TCERG1: variants seen among roughly 807,000 people sequenced by gnomAD.
TCERG1 encodes TATA box binding protein (TBP)-associated factor, RNA polymerase II, S, 150kD.
A neutral mutation model predicts 144.7 loss-of-function variants in TCERG1; 37 were observed. That is an observed-to-expected ratio of 0.26 (90% CI 0.20 to 0.34). The LOEUF (loss-of-function observed/expected upper bound fraction) is 0.34, where lower values mean the gene tolerates loss of function less well. TCERG1 is among the 10% of genes least tolerant of loss of function. TCERG1 has a pLI of 1.00. For synonymous variants in TCERG1, 492 were observed against 458.2 expected (o/e 1.07, Z -0.94); for missense variants, 1,027 against 1,380.7 (o/e 0.74, Z 4.06).
At chr5:146,488,976 CAT>C (rs1249402263) in intron 15 of TCERG1, among the ~76,000 whole-genome samples, 1 of 152,116 alleles carries the variant, frequency 6.6e-6, no homozygotes, top group African/African-American at 2.4e-5. Context: ...TGTTTTCACA[CAT>C]GTGGAAGCAA....
intron 5 of TCERG1, 118 bp downstream of exon 5, chr5:146,463,911 T>C: frequency 7.1e-7 from 1 of 1,409,058 alleles, no homozygotes; most frequent in Non-Finnish European, 9.7e-7. Flanking sequence ...TGAAACGTTT[T>C]TGAAAGATTC....
chr5:146,472,181 C>T lies in TCERG1; in HGVS notation c.1601+605C>T, dbSNP rs183502004. Among the ~76,000 whole-genome samples, 3 of 152,288 alleles carry T rather than the reference C, an allele frequency of 2.0e-5. No individual in the cohort carries two copies. The East Asian group carries it at 5.8e-4, about 29-fold the overall frequency. On this transcript the variant is annotated intron_variant, in intron 9 of 22. Coordinates refer to ENST00000679501, the MANE Select transcript of TCERG1 (RefSeq NM_001382548.1). ...AAATTTGTTTTTGCATGTTTACTCA[C>T]TATGCGATTACATTTATAGAATTGT...
Position 146,510,869 on chromosome 5 carries a change from C to G in TCERG1, c.*227C>G. Reference sequence around the variant, plus strand: ...CAAATATAGGCTGTCTCTAGTAAATCTTAAAATCTTGAAGCTAAAATTCAT... The same window carrying G: ...CAAATATAGGCTGTCTCTAGTAAATGTTAAAATCTTGAAGCTAAAATTCAT... On this transcript the variant is annotated 3_prime_UTR_variant, in exon 23 of 23. Transcript: ENST00000679501. 1 of 363,978 alleles carries G rather than the reference C, an allele frequency of 2.7e-6. No homozygotes were observed. The allele number at this position is 363,978 out of a possible 1,614,324, so 22.5% of individuals were successfully genotyped here. A position where few individuals can be genotyped will look rare whatever the true frequency, so the allele number is the denominator to read the frequency against.
chr5:146,468,494 A>G (rs2150369525), intron 6 of TCERG1, 91 bp downstream of exon 6: 1 of 1,168,898 alleles, frequency 8.6e-7, no homozygotes, highest in South Asian at 1.5e-5. Context: ...TTTTTGCCCA[A>G]GTGAGTGGAT....
chr5:146,505,653 T>G (rs907491521), intron 19 of TCERG1: 3 of 152,274 alleles, frequency 2.0e-5, no homozygotes, highest in Non-Finnish European at 2.9e-5. Context: ...GTGAGGCTAC[T>G]CCTGACCTAT....
chr5:146,451,898 A>G (rs548030019), intron 1 of TCERG1, among the ~76,000 whole-genome samples: 3 of 150,548 alleles, frequency 2.0e-5, no homozygotes, highest in Non-Finnish European at 4.4e-5. Context: ...AGTGATTGTC[A>G]TGCCTCAACC....
chr5:146,458,130 C>T (rs551998377), intron 3 of TCERG1, among the ~76,000 whole-genome samples: 3 of 151,820 alleles, frequency 2.0e-5, no homozygotes, highest in Non-Finnish European at 2.9e-5. Flanking sequence ...GGATTACAGG[C>T]GTGAGCCACT....
chr5:146,488,226 G>A (rs925860963), intron 15 of TCERG1, among the ~76,000 whole-genome samples: 9 of 152,034 alleles, frequency 5.9e-5, no homozygotes, highest in Admixed American at 6.6e-5. Flanking sequence ...AAAAGCACAA[G>A]CAAGAATAAA....
chr5:146,456,738 C>G (rs1483750148), intron 2 of TCERG1, among the ~76,000 whole-genome samples: 1 of 152,160 alleles, frequency 6.6e-6, no homozygotes, highest in African/African-American at 2.4e-5. Context: ...AATCCCTGCT[C>G]AAAATGTTTT....
intron 5 of TCERG1, among the ~76,000 whole-genome samples, chr5:146,465,351 T>C (rs13166300): frequency 0.48 from 73,136 of 152,070 alleles, 21,810 homozygotes; most frequent in Non-Finnish European, 0.65. Flanking sequence ...AGGCTGTCAT[T>C]TGAACAACTT....
At chr5:146,454,777 T>C (rs1762682934) in intron 1 of TCERG1, among the ~76,000 whole-genome samples, 1 of 152,124 alleles carries the variant, frequency 6.6e-6, no homozygotes, top group Admixed American at 6.5e-5. Flanking sequence ...TTTGTATTTT[T>C]AGTAGAGATG....
At position 146,500,551 on chromosome 5, in the gene TCERG1, G is replaced by C. The variant is rs1056243758; in HGVS notation, c.2433+1865G>C. On this transcript the variant is annotated intron_variant, in intron 17 of 22. Transcript: ENST00000679501. ...GTTGAATCAATAGCTGAACACTAAA[G>C]GTTTAAAACTAATTTTAAAACTAAT... Among the ~76,000 whole-genome samples the C allele has an allele frequency of 1.4e-4, 22 of 152,242 alleles. No individual in the cohort carries two copies. In the East Asian group the frequency reaches 3.7e-3, roughly 25 times the overall value.
chr5:146,468,822 A>G (rs1421135907), intron 6 of TCERG1, among the ~76,000 whole-genome samples: 1 of 152,152 alleles, frequency 6.6e-6, no homozygotes, highest in Non-Finnish European at 1.5e-5. Flanking sequence ...TTTACATTTT[A>G]AAGTTATTGA....
rs1322455012 is a variant in TCERG1 at position 146,507,849 on chromosome 5, T to C, written c.2962-24T>C. 2 of 1,561,004 alleles carry C rather than the reference T, an allele frequency of 1.3e-6. No homozygotes were observed. Among genetic ancestry groups the C allele is most frequent in the African/African-American group, 2.7e-5 (2 of 73,542 alleles). ...TAAGTAAAAGTGAGTTGTATTTATG[T>C]TTTTTATTCATGTCTTTTCAAAGAT... On this transcript the variant is annotated intron_variant, in intron 20 of 22. Coordinates refer to ENST00000679501, the MANE Select transcript of TCERG1 (RefSeq NM_001382548.1). This position sits in a 1 kb window ranked among gnomAD's most constrained non-coding sequence, Gnocchi z 4.6.
At chr5:146,482,777 T>C in intron 14 of TCERG1, 50 bp downstream of exon 14, 1 of 1,515,696 alleles carries the variant, frequency 6.6e-7, no homozygotes. Context: ...ATAAGTAATA[T>C]AAATATGTCT....
chr5:146,449,473 C>G (rs1762172450), intron 1 of TCERG1, among the ~76,000 whole-genome samples: 1 of 152,192 alleles, frequency 6.6e-6, no homozygotes, highest in Admixed American at 6.5e-5. Flanking sequence ...CACAAGGTCA[C>G]TGGGTAGTTG....
intron 10 of TCERG1, among the ~76,000 whole-genome samples, chr5:146,478,895 C>T (rs958119475): frequency 2.0e-5 from 3 of 152,088 alleles, no homozygotes; most frequent in Non-Finnish European, 4.4e-5. Flanking sequence ...TCAAGATTTT[C>T]AGTTAGTCCA....
chr5:146,487,395 A>C (rs756537929), intron 15 of TCERG1, among the ~76,000 whole-genome samples: 6 of 152,218 alleles, frequency 3.9e-5, no homozygotes, highest in Non-Finnish European at 8.8e-5. Context: ...AGCAATCTAC[A>C]GATTCAGTGC....
At chr5:146,509,071 T>G (rs1449090705) in intron 21 of TCERG1, 74 bp from the exon 22 acceptor site, 15 of 798,676 alleles carry the variant, frequency 1.9e-5, no homozygotes, top group Admixed American at 2.8e-5. Flanking sequence ...TACTGTTTAA[T>G]AAATAATTGA....
Sources: gnomAD v4.1 joint callset for allele counts (sites outside exome capture counted in the v4.1 genomes callset) on GRCh38, gnomAD v4.1.1 for gene constraint, Gnocchi (gnomAD v3.1) non-coding constraint, MANE v1.5 for transcripts, NCBI Gene and HGNC (gene_info 2026-07-23, HGNC 2026-07-21) for gene names.